FAR2: variants seen among roughly 807,000 people sequenced by gnomAD.
FAR2 encodes epididymis secretory protein Li 81.
FAR2 carries 19 observed loss-of-function variants against 56.0 expected under a neutral mutation model. The observed-to-expected ratio is 0.34, with a 90% CI of 0.24 to 0.50. The LOEUF is 0.50. Among genes scored for constraint, FAR2 ranks in the 20% least tolerant of loss-of-function variants. The probability of loss-of-function intolerance (pLI) is 0.98; values close to 1 mark genes in which losing one functional copy is unlikely to be tolerated. For synonymous variants in FAR2, 219 were observed against 218.8 expected, an observed-to-expected ratio of 1.00 and a Z score of -0.01; for missense variants, 508 against 642.2, an observed-to-expected ratio of 0.79 and a Z score of 2.26.
At chr12:29,275,582 G>A (rs1948696179) in intron 2 of FAR2, among the ~76,000 whole-genome samples, 1 of 152,166 alleles carries the variant, frequency 6.6e-6, no homozygotes, top group South Asian at 2.1e-4. Context: ...CCCACCAACA[G>A]TGTAAAAGTG....
intron 2 of FAR2, among the ~76,000 whole-genome samples, chr12:29,285,687 G>A (rs1948863043): frequency 6.6e-6 from 1 of 152,120 alleles, no homozygotes; most frequent in South Asian, 2.1e-4. Context: ...TTGGGAGGTC[G>A]AGGCAGACAG....
At chr12:29,196,837 A>G (rs1284519113) in intron 1 of FAR2, among the ~76,000 whole-genome samples, 1 of 152,226 alleles carries the variant, frequency 6.6e-6, no homozygotes, top group South Asian at 2.1e-4. Flanking sequence ...GCAGAATGGG[A>G]AAAAGTATTT....
chr12:29,164,320 C>T (rs1176122213), intron 1 of FAR2, among the ~76,000 whole-genome samples: 1 of 152,156 alleles, frequency 6.6e-6, no homozygotes, highest in Admixed American at 6.6e-5. Flanking sequence ...TTTGCCGACG[C>T]GGCTGCTGCC....
chr12:29,335,010 T>C lies in FAR2; in HGVS notation c.*1216T>C, dbSNP rs1203792311. 6.6e-6 allele frequency: 1 copy of C among 152,204 alleles called. No homozygotes were observed. The highest frequency in any genetic ancestry group is 1.5e-5 in the Non-Finnish European group (1 of 68,024). The allele number at this position is 152,204 out of a possible 1,614,324, so 9.4% of individuals were successfully genotyped here. A position where few individuals can be genotyped will look rare whatever the true frequency, so the allele number is the denominator to read the frequency against. ...TCATATTTGAGAGATGAGTACATGTTGGATTGCAGCATTTCTTCATGTTAA... is the reference window on the plus strand; with the variant it reads ...TCATATTTGAGAGATGAGTACATGTCGGATTGCAGCATTTCTTCATGTTAA... On this transcript the variant is annotated 3_prime_UTR_variant, in exon 12 of 12. Coordinates refer to ENST00000536681, the MANE Select transcript of FAR2 (RefSeq NM_001271783.2).
intron 1 of FAR2, among the ~76,000 whole-genome samples, chr12:29,261,063 C>T (rs1268308270): frequency 1.3e-5 from 2 of 152,192 alleles, no homozygotes; most frequent in African/African-American, 4.8e-5. Context: ...GCAACTATTA[C>T]AATAAATACC....
At chr12:29,227,439 T>C (rs540520857) in intron 1 of FAR2, among the ~76,000 whole-genome samples, 1 of 152,190 alleles carries the variant, frequency 6.6e-6, no homozygotes, top group Non-Finnish European at 1.5e-5. Flanking sequence ...GTTCCTCCCT[T>C]TCATCTTTCT....
At chr12:29,324,820 G>A (rs560478272) in intron 10 of FAR2, among the ~76,000 whole-genome samples, 127 of 152,216 alleles carry the variant, frequency 8.3e-4, no homozygotes, top group African/African-American at 3.0e-3. Flanking sequence ...GATCATCAAG[G>A]CTAGGAAGAA....
At chr12:29,226,496 T>A (rs1003728140) in intron 1 of FAR2, among the ~76,000 whole-genome samples, 102 of 152,244 alleles carry the variant, frequency 6.7e-4, no homozygotes, top group African/African-American at 2.3e-3. Flanking sequence ...GCAGATTTGC[T>A]CTGGGGAGAA....
chr12:29,302,647 A>G (rs1949195189), intron 4 of FAR2, among the ~76,000 whole-genome samples: 1 of 152,164 alleles, frequency 6.6e-6, no homozygotes, highest in Non-Finnish European at 1.5e-5. Flanking sequence ...CCATTGAAGG[A>G]GGGCCATGTG....
chr12:29,290,300 G>T (rs2061073859), intron 2 of FAR2, among the ~76,000 whole-genome samples: 1 of 152,036 alleles, frequency 6.6e-6, no homozygotes, highest in South Asian at 2.1e-4. Flanking sequence ...ACAAAAATTG[G>T]CCAGACATGG....
intron 2 of FAR2, among the ~76,000 whole-genome samples, chr12:29,273,171 A>G (rs11050166): frequency 0.055 from 8,379 of 152,098 alleles, 528 homozygotes; most frequent in African/African-American, 0.15. Flanking sequence ...CTTGGTGGAG[A>G]GGGTGTGTTT....
At chr12:29,269,096 A>G (rs1948569038) in intron 1 of FAR2, among the ~76,000 whole-genome samples, 1 of 152,150 alleles carries the variant, frequency 6.6e-6, no homozygotes, top group African/African-American at 2.4e-5. Context: ...AACCGGTCTG[A>G]CCAAAATTAT....
intron 1 of FAR2, among the ~76,000 whole-genome samples, chr12:29,178,070 G>T (rs1022947819): frequency 1.3e-5 from 2 of 151,898 alleles, no homozygotes; most frequent in Non-Finnish European, 2.9e-5. Context: ...CACACTCCTG[G>T]TCTGCTACAT....
Position 29,293,194 on chromosome 12 carries a change from C to T in FAR2, c.190-106C>T, listed in dbSNP as rs907316962. The stretch of plus-strand genomic sequence containing the variant: ...ATGTCTTCTTTAAGTAATGTTATTA[C>T]AACTAAAACCAGTTTTTGAGTATAA... On this transcript the variant is annotated intron_variant, in intron 2 of 11. Transcript: ENST00000536681. 5 of 948,778 alleles carry T rather than the reference C, an allele frequency of 5.3e-6. No individual in the cohort carries two copies. The African/African-American group carries it at 6.9e-5, about 13-fold the overall frequency. 58.8% of individuals were successfully genotyped at this position (948,778 alleles called of 1,614,324 possible).
chr12:29,309,377 G>A (rs1591956039), intron 6 of FAR2, 147 bp downstream of exon 6: 2 of 661,300 alleles, frequency 3.0e-6, no homozygotes, highest in East Asian at 2.6e-5. Context: ...TGTTCTGATT[G>A]TAATATACAG....
intron 2 of FAR2, among the ~76,000 whole-genome samples, chr12:29,274,777 C>T (rs988349710): frequency 2.6e-5 from 4 of 151,504 alleles, no homozygotes; most frequent in Non-Finnish European, 5.9e-5. Flanking sequence ...CACTCCTGCC[C>T]GCCAGAGAAC....
At chr12:29,274,350 G>A (rs890504292) in intron 2 of FAR2, among the ~76,000 whole-genome samples, 69 of 151,874 alleles carry the variant, frequency 4.5e-4, no homozygotes, top group South Asian at 6.2e-4. Flanking sequence ...AGCTTCATCC[G>A]TGTCCCTACA....
chr12:29,163,569 C>T (rs1462603738), intron 1 of FAR2, among the ~76,000 whole-genome samples: 1 of 152,230 alleles, frequency 6.6e-6, no homozygotes, highest in Non-Finnish European at 1.5e-5. Context: ...ACTCTCATGT[C>T]CTATGATTCT....
intron 2 of FAR2, among the ~76,000 whole-genome samples, chr12:29,271,652 C>A (rs890165862): frequency 6.6e-6 from 1 of 152,150 alleles, no homozygotes; most frequent in South Asian, 2.1e-4. Context: ...CAACAGAATA[C>A]GATTTTGTTA....
Sources: allele counts gnomAD v4.1 joint callset (sites outside exome capture counted in the v4.1 genomes callset), GRCh38; gene constraint gnomAD v4.1.1; transcripts MANE v1.5; gene names NCBI Gene and HGNC (gene_info 2026-07-23, HGNC 2026-07-21).